The following PLEKHA5 variants were observed in gnomAD, a reference collection of about 807,000 sequenced individuals.
PLEKHA5 encodes pleckstrin homology domain-containing family A member 5.
In PLEKHA5, 55 loss-of-function variants were observed where a neutral mutation model predicts 181.9. The ratio of observed to expected loss-of-function variants is 0.30; its 90% CI spans 0.24 to 0.38. The LOEUF (loss-of-function observed/expected upper bound fraction) is 0.38. Ranked by LOEUF, PLEKHA5 falls within the 10% of genes least tolerant of loss-of-function variation. The probability of loss-of-function intolerance (pLI) is 1.00; values close to 1 mark genes in which losing one functional copy is unlikely to be tolerated. For missense variants in PLEKHA5, 1,432 were observed against 1,549.5 expected, an observed-to-expected ratio of 0.92 and a Z score of 1.27; for synonymous variants, 535 against 529.4, an observed-to-expected ratio of 1.01 and a Z score of -0.15.
In PLEKHA5 at chr12:19,283,331, G is replaced by C. The variant is rs762763422; in HGVS notation, c.1365G>C (p.Gln455His). 4 of 1,613,610 alleles carry C rather than the reference G, an allele frequency of 2.5e-6. No homozygotes were observed. Among genetic ancestry groups the C allele is most frequent in the African/African-American group, 1.3e-5 (1 of 74,786 alleles). Reference sequence around the variant, plus strand: ...GAAATATGCCAAGTCACAGAGCCCAGATTATGGCCCGCTACCCTGAAGGTT... The same window carrying C: ...GAAATATGCCAAGTCACAGAGCCCACATTATGGCCCGCTACCCTGAAGGTT... Reference protein sequence around the residue: ...LPRNMPSHRAQIMARYPEGYR... With the variant: ...LPRNMPSHRAHIMARYPEGYR... The change falls in exon 12 of 32, where the codon CAG (glutamine) becomes CAC (histidine). Residue 455 changes from glutamine to histidine, a missense_variant. Physicochemically the swap from Gln to His is conservative, Grantham distance 24 (BLOSUM62 0). This residue lies in a region of PLEKHA5 where 1,143 missense variants were observed against 1,168.4 expected (regional missense o/e 0.98). Transcript: ENST00000429027.
chr12:19,302,334 A>G (rs2081736686), intron 15 of PLEKHA5, among the ~76,000 whole-genome samples: 1 of 152,232 alleles, frequency 6.6e-6, no homozygotes, highest in African/African-American at 2.4e-5. Context: ...ATTCAGACTC[A>G]AGTAAACTAA....
rs139777179 is a variant in PLEKHA5, at chr12:19,365,663, T to C, written c.3609-301T>C. On this transcript the variant is annotated intron_variant, in intron 29 of 31. Transcript: ENST00000429027. ...TGATGGCATTAACATATTAAAAATA[T>C]GTTCTGAAGTACTTACAAATTAAAT... 6.7e-3 allele frequency among the ~76,000 whole-genome samples: 1,025 copies of C among 152,288 alleles called. 10 individuals are homozygous for C. Among genetic ancestry groups the C allele is most frequent in the African/African-American group, 0.023 (971 of 41,568 alleles).
rs897359048 is a variant in PLEKHA5 at position 19,369,856 on chromosome 12, T to C, written c.*11+58T>C. 13 of 1,037,646 alleles carry C rather than the reference T, an allele frequency of 1.3e-5. No homozygotes were observed. The Admixed American group carries it at 1.6e-4, about 13-fold the overall frequency. The allele number at this position is 1,037,646 out of a possible 1,614,324, so 64.3% of individuals were successfully genotyped here. A position where few individuals can be genotyped will look rare whatever the true frequency, so the allele number is the denominator to read the frequency against. On this transcript the variant is annotated intron_variant, in intron 31 of 31. Transcript: ENST00000429027. The stretch of plus-strand genomic sequence containing the variant: ...TTTTTTACTTGAATTTTATGACTTA[T>C]CTGTTGGTTTAGTGAATCAAAACTG...
intron 20 of PLEKHA5, among the ~76,000 whole-genome samples, chr12:19,334,829 A>AAAAAAAAATATATAT: frequency 3.2e-4 from 6 of 18,602 alleles, no homozygotes; most frequent in Non-Finnish European, 4.3e-4. Context: ...AAAAAAAAAA[A>AAAAAAAAATATATAT]ATATATATAT....
chr12:19,340,435 A>ACTGGGAAGTGAGGAG (rs2093793096), intron 21 of PLEKHA5, among the ~76,000 whole-genome samples: 17 of 48,700 alleles, frequency 3.5e-4, no homozygotes, highest in Non-Finnish European at 6.6e-4. Flanking sequence ...CCCGGCCACC[A>ACTGGGAAGTGAGGAG]CCCCGTCTGG....
rs2032908693 is a variant in PLEKHA5 at position 19,129,978 on chromosome 12, C to A, written c.90-73C>A. 3 of 1,447,846 alleles carry A rather than the reference C, an allele frequency of 2.1e-6. No homozygotes were observed. In the South Asian group the frequency reaches 3.7e-5, roughly 18 times the overall value. 89.7% of individuals were successfully genotyped at this position (1,447,846 alleles called of 1,614,324 possible). On this transcript the variant is annotated intron_variant, in intron 1 of 31. Transcript: ENST00000429027. ...ACACGGGGGAGAGCCCGGGTCTGTG[C>A]TCCTGCAGCCCCTCGGCTCGCCCCC... is the stretch of plus-strand genomic sequence containing the variant.
At chr12:19,353,214 C>T (rs753240073) in intron 25 of PLEKHA5, among the ~76,000 whole-genome samples, 11 of 151,992 alleles carry the variant, frequency 7.2e-5, no homozygotes, top group African/African-American at 1.4e-4. Flanking sequence ...AGTGCCGTGG[C>T]GCTATCTCAG....
chr12:19,193,207 AT>A (rs1237302059), intron 3 of PLEKHA5, among the ~76,000 whole-genome samples: 1 of 152,156 alleles, frequency 6.6e-6, no homozygotes, highest in Non-Finnish European at 1.5e-5. Context: ...TGTGGTTTTG[AT>A]TTTTTAAGAA....
intron 3 of PLEKHA5, among the ~76,000 whole-genome samples, chr12:19,163,377 C>T (rs2043446801): frequency 6.6e-6 from 1 of 152,066 alleles, no homozygotes; most frequent in African/African-American, 2.4e-5. Flanking sequence ...CGGGATTTCA[C>T]TGTGTTAGCC....
intron 3 of PLEKHA5, among the ~76,000 whole-genome samples, chr12:19,192,567 G>A (rs1422021809): frequency 2.6e-5 from 4 of 152,128 alleles, no homozygotes; most frequent in Admixed American, 2.0e-4. Flanking sequence ...GCCGGGCGTG[G>A]TGGCATTCGC....
In PLEKHA5 at chr12:19,314,877, C is replaced by A; in HGVS notation, c.2101C>A (p.Pro701Thr). 1 of 1,541,842 alleles carries A rather than the reference C, an allele frequency of 6.5e-7. No homozygotes were observed. The highest frequency in any genetic ancestry group is 8.8e-7 in the Non-Finnish European group (1 of 1,138,090). The change falls in exon 16 of 32, where the codon CCC (proline) becomes ACC (threonine). Residue 701 changes from proline to threonine, a missense_variant. This residue lies in a region of PLEKHA5 where 1,143 missense variants were observed against 1,168.4 expected (regional missense o/e 0.98). Transcript: ENST00000429027. Reference sequence around the variant, plus strand: ...AATGATTGAGAACTCGGCGCTAAGACCCCAACTGTACCAGCAAGTAAGGTC... The same window carrying A: ...AATGATTGAGAACTCGGCGCTAAGAACCCAACTGTACCAGCAAGTAAGGTC... ...HTMIENSALR[P>T]QLYQQFLRQK...
intron 30 of PLEKHA5, 124 bp downstream of exon 30, chr12:19,366,233 T>G (rs919448493): frequency 1.5e-5 from 11 of 755,864 alleles, no homozygotes; most frequent in Admixed American, 3.0e-5. Flanking sequence ...GAGTCAACGT[T>G]TGCCTCCCCA....
rs1185031346 is a variant in PLEKHA5 at position 19,347,084 on chromosome 12, A to G, written c.2800A>G (p.Ser934Gly). 1 of 1,551,254 alleles carries G rather than the reference A, an allele frequency of 6.4e-7. No homozygotes were observed. The highest frequency in any genetic ancestry group is 2.4e-5 in the East Asian group (1 of 40,904). ...CATAATCCCCCCTCTGCCCAGTGAT[A>G]GCAGCTCCTTGCTCTGTTATAGCAG... Reference protein sequence around the residue: ...PPIIPPLPSDSSSLLCYSRGP... With the variant: ...PPIIPPLPSDGSSLLCYSRGP... Residue 934 changes from serine to glycine, a missense_variant, in exon 24 of 32, where the codon AGC becomes GGC. Physicochemically the swap from Ser to Gly is moderately conservative, Grantham distance 56. Transcript: ENST00000429027.
chr12:19,158,756 A>T (rs184302588), intron 3 of PLEKHA5, among the ~76,000 whole-genome samples: 1 of 152,266 alleles, frequency 6.6e-6, no homozygotes, highest in Non-Finnish European at 1.5e-5. Flanking sequence ...ACCTGTTTGT[A>T]GTTATGATCC....
At chr12:19,307,161 G>A (rs1050616817) in intron 15 of PLEKHA5, 4 of 755,476 alleles carry the variant, frequency 5.3e-6, no homozygotes, top group Admixed American at 1.9e-5. Context: ...GTCTGAAATC[G>A]GATACCTCTA....
At chr12:19,274,282 T>C (rs888828660) in intron 10 of PLEKHA5, among the ~76,000 whole-genome samples, 1 of 152,222 alleles carries the variant, frequency 6.6e-6, no homozygotes, top group African/African-American at 2.4e-5. Flanking sequence ...CACATCACTT[T>C]TTACGCTCTA....
intron 3 of PLEKHA5, chr12:19,153,688 A>G (rs968333222): frequency 1.3e-5 from 2 of 152,202 alleles, no homozygotes; most frequent in African/African-American, 4.8e-5. Context: ...TGTAAATGAC[A>G]TGTATCCACC....
intron 3 of PLEKHA5, among the ~76,000 whole-genome samples, chr12:19,174,105 A>G (rs1290762207): frequency 6.6e-6 from 1 of 152,210 alleles, no homozygotes; most frequent in Non-Finnish European, 1.5e-5. Context: ...CATGAGTAGA[A>G]CCATGAAAAC....
At chr12:19,192,687 CAG>C (rs1414319302) in intron 3 of PLEKHA5, among the ~76,000 whole-genome samples, 1 of 152,130 alleles carries the variant, frequency 6.6e-6, no homozygotes, top group Non-Finnish European at 1.5e-5. Context: ...GCGTGGGCCA[CAG>C]AGTCAGACCC....
Sources: allele counts gnomAD v4.1 joint callset (sites outside exome capture counted in the v4.1 genomes callset), GRCh38; gene constraint gnomAD v4.1.1; regional missense constraint gnomAD v4.1.1; transcripts MANE v1.5; gene names NCBI Gene and HGNC (gene_info 2026-07-23, HGNC 2026-07-21).